EML5: variants seen among roughly 807,000 people sequenced by gnomAD.
EML5 encodes the protein echinoderm microtubule-associated protein-like 5.
Under a neutral mutation model 250.0 loss-of-function variants are expected in EML5, and 120 were observed. That is an observed-to-expected ratio of 0.48 (90% CI 0.41 to 0.56). EML5 has a LOEUF of 0.56. Among genes scored for constraint, EML5 ranks in the 20% least tolerant of loss-of-function variants. The pLI, the probability that EML5 is intolerant of heterozygous loss-of-function variation, is 0.00. For missense variants in EML5, 2,006 were observed against 2,437.6 expected (o/e 0.82, Z 3.73); for synonymous variants, 771 against 806.5 (o/e 0.96, Z 0.75).
chr14:88,647,533 TAAA>T (rs985598517), intron 28 of EML5, among the ~76,000 whole-genome samples: 1 of 151,202 alleles, frequency 6.6e-6, no homozygotes, highest in African/African-American at 2.4e-5. Context: ...CCCATCTCTA[TAAA>T]AAACACAACA....
intron 8 of EML5, 51 bp from the exon 9 acceptor site, chr14:88,715,246 T>C: frequency 6.7e-7 from 1 of 1,495,296 alleles, no homozygotes; most frequent in Non-Finnish European, 8.9e-7. Flanking sequence ...ACAACAGAAT[T>C]AATGCCGTTT....
At chr14:88,686,375 A>G (rs2092832866) in intron 19 of EML5, among the ~76,000 whole-genome samples, 1 of 152,068 alleles carries the variant, frequency 6.6e-6, no homozygotes, top group Non-Finnish European at 1.5e-5. Flanking sequence ...CACATTGTGC[A>G]CATGTACCCT....
At chr14:88,673,546 GAAAT>G (rs1309470094) in intron 21 of EML5, among the ~76,000 whole-genome samples, 1 of 152,222 alleles carries the variant, frequency 6.6e-6, no homozygotes, top group Admixed American at 6.5e-5. Flanking sequence ...ACAAGAGAAA[GAAAT>G]AAAGTGTATT....
At chr14:88,637,192 A>C (rs1418851709) in intron 32 of EML5, among the ~76,000 whole-genome samples, 1 of 152,188 alleles carries the variant, frequency 6.6e-6, no homozygotes, top group Non-Finnish European at 1.5e-5. Flanking sequence ...AGTCTATCTT[A>C]ATTAGTCACC....
intron 25 of EML5, 124 bp downstream of exon 25, chr14:88,661,530 C>CTTTCATATTACAACA (rs1165499645): frequency 2.3e-5 from 20 of 860,460 alleles, no homozygotes; most frequent in Non-Finnish European, 3.4e-5. Context: ...AATTCTGAAC[C>CTTTCATATTACAACA]TTTCATATTA....
intron 33 of EML5, among the ~76,000 whole-genome samples, chr14:88,629,237 T>C (rs536787991): frequency 2.0e-5 from 3 of 152,266 alleles, no homozygotes; most frequent in African/African-American, 7.2e-5. Context: ...TTTCAAGAAA[T>C]ATCACTAACT....
At chr14:88,741,231 T>C (rs75160423) in intron 4 of EML5, among the ~76,000 whole-genome samples, 3,089 of 152,154 alleles carry the variant, frequency 0.02, 100 homozygotes, top group African/African-American at 0.067. Context: ...TAAGTCATCA[T>C]AGACTAAGAA....
intron 1 of EML5, among the ~76,000 whole-genome samples, chr14:88,769,089 A>T (rs2094357742): frequency 6.6e-6 from 1 of 152,234 alleles, no homozygotes; most frequent in Non-Finnish European, 1.5e-5. Context: ...ATAGGAACTG[A>T]TATATAGCAT....
chr14:88,642,899 C>T lies in EML5; in HGVS notation c.4231G>A (p.Ala1411Thr). The change falls in exon 31 of 44, where the codon GCT (alanine) becomes ACT (threonine). Residue 1411 changes from alanine to threonine, a missense_variant. By Grantham distance (58) the Ala-to-Thr change is moderately conservative. Transcript: ENST00000554922. ...GAGAATCAGGGTTTCCTACCTGTAG[C>T]AACATTGTGCAGAATTCCAACAGAT... ...TASVGILHNV[A>T]TGSQSFYQEH... 1.3e-6 allele frequency: 2 copies of T among 1,599,974 alleles called. No homozygotes were observed. The highest frequency in any genetic ancestry group is 1.3e-5 in the African/African-American group (1 of 74,186).
At chr14:88,743,260 G>C (rs2093951636) in intron 4 of EML5, among the ~76,000 whole-genome samples, 1 of 152,024 alleles carries the variant, frequency 6.6e-6, no homozygotes, top group East Asian at 1.9e-4. Context: ...ATAGCTAGAA[G>C]GAGGATATTG....
At chr14:88,734,161 G>A (rs917753915) in intron 7 of EML5, among the ~76,000 whole-genome samples, 2 of 152,112 alleles carry the variant, frequency 1.3e-5, no homozygotes, top group Non-Finnish European at 2.9e-5. Context: ...AATGTGGAAA[G>A]TTTACAGAAA....
At chr14:88,673,286 C>T (rs2092515300) in intron 21 of EML5, among the ~76,000 whole-genome samples, 1 of 152,136 alleles carries the variant, frequency 6.6e-6, no homozygotes, top group Non-Finnish European at 1.5e-5. Flanking sequence ...AGACAAAGAC[C>T]ATATGATTAT....
At chr14:88,698,504 G>A (rs2093133321) in intron 14 of EML5, among the ~76,000 whole-genome samples, 1 of 151,950 alleles carries the variant, frequency 6.6e-6, no homozygotes, top group African/African-American at 2.4e-5. Flanking sequence ...GGGCTCAAGT[G>A]ATCTGCCGCC....
At chr14:88,690,390 C>A (rs185806913) in intron 17 of EML5, among the ~76,000 whole-genome samples, 26 of 152,248 alleles carry the variant, frequency 1.7e-4, no homozygotes, top group African/African-American at 6.0e-4. Flanking sequence ...ATCATCTGGG[C>A]AAATGGTAAA....
At chr14:88,773,274 C>A (rs2094412952) in intron 1 of EML5, among the ~76,000 whole-genome samples, 1 of 152,160 alleles carries the variant, frequency 6.6e-6, no homozygotes, top group African/African-American at 2.4e-5. Context: ...TTTTTCTGGA[C>A]TGATAATGCA....
intron 7 of EML5, among the ~76,000 whole-genome samples, chr14:88,730,642 C>T (rs1158421585): frequency 6.6e-6 from 1 of 152,146 alleles, no homozygotes; most frequent in Non-Finnish European, 1.5e-5. Context: ...ACAGATACTA[C>T]TCAATTGTTT....
At chr14:88,679,815 A>C (rs1290614251) in intron 21 of EML5, among the ~76,000 whole-genome samples, 1 of 152,230 alleles carries the variant, frequency 6.6e-6, no homozygotes, top group African/African-American at 2.4e-5. Context: ...CAAGAGTCAC[A>C]GGAAATTTAG....
intron 7 of EML5, among the ~76,000 whole-genome samples, chr14:88,733,271 C>T (rs2093788751): frequency 6.6e-6 from 1 of 152,160 alleles, no homozygotes; most frequent in South Asian, 2.1e-4. Flanking sequence ...AAGCCATAAA[C>T]AAAGGTCAAG....
chr14:88,621,439 G>A (rs2088913627), intron 37 of EML5, 138 bp from the exon 38 acceptor site: 1 of 920,496 alleles, frequency 1.1e-6, no homozygotes, highest in Non-Finnish European at 1.7e-6. Flanking sequence ...GCAGTCATTA[G>A]CTCATGCAAA....
Sources: gnomAD v4.1 joint callset for allele counts (sites outside exome capture counted in the v4.1 genomes callset) on GRCh38, gnomAD v4.1.1 for gene constraint, MANE v1.5 for transcripts, NCBI Gene and HGNC (gene_info 2026-07-23, HGNC 2026-07-21) for gene names.